CPNE8: variants seen among roughly 807,000 people sequenced by gnomAD.
The protein encoded by CPNE8 is copine-8.
CPNE8 carries 45 observed loss-of-function variants against 81.5 expected under a neutral mutation model. The ratio of observed to expected loss-of-function variants is 0.55; its 90% CI spans 0.44 to 0.71. The LOEUF (loss-of-function observed/expected upper bound fraction) is 0.71, where lower values mean the gene tolerates loss of function less well. Ranked by LOEUF, CPNE8 falls within the 30% of genes least tolerant of loss-of-function variation. CPNE8 has a pLI of 0.00. For synonymous variants in CPNE8, 252 were observed against 226.3 expected, an observed-to-expected ratio of 1.11 and a Z score of -1.02; for missense variants, 594 against 672.1, an observed-to-expected ratio of 0.88 and a Z score of 1.28.
intron 10 of CPNE8, among the ~76,000 whole-genome samples, chr12:38,738,253 GC>G (rs1940999870): frequency 6.6e-6 from 1 of 152,136 alleles, no homozygotes. Context: ...GGGGGAAAAT[GC>G]ATTTTGGAAA....
chr12:38,853,975 G>A (rs17464772), intron 3 of CPNE8, among the ~76,000 whole-genome samples: 36,311 of 151,674 alleles, frequency 0.24, 5,468 homozygotes, highest in Non-Finnish European at 0.33. Flanking sequence ...GAAGAAAAAA[G>A]GTCATCTGAA....
In CPNE8 at chr12:38,764,318, T is replaced by G. The variant is rs139889025; in HGVS notation, c.576-2102A>C. Among the ~76,000 whole-genome samples, 750 of 152,088 alleles carry G rather than the reference T, an allele frequency of 4.9e-3. 5 individuals are homozygous for G. The highest frequency in any genetic ancestry group is 0.017 in the African/African-American group (698 of 41,518). The stretch of plus-strand genomic sequence containing the variant: ...AGAAAAGGCAAAGGTACCAAAAAAT[T>G]TTTAAGAAAAAGTCATAGGCCGGGC... On this transcript the variant is annotated intron_variant, in intron 8 of 19. Coordinates refer to ENST00000331366, the MANE Select transcript of CPNE8 (RefSeq NM_153634.3).
intron 6 of CPNE8, among the ~76,000 whole-genome samples, chr12:38,809,657 C>T (rs552469334): frequency 2.2e-4 from 33 of 152,112 alleles, no homozygotes; most frequent in Non-Finnish European, 4.3e-4. Context: ...ACATTCACTC[C>T]CTGCCCAGGT....
At chr12:38,827,013 C>CAAAAAAAAA (rs56670584) in intron 6 of CPNE8, among the ~76,000 whole-genome samples, 7 of 91,646 alleles carry the variant, frequency 7.6e-5, no homozygotes, top group African/African-American at 8.4e-5. Context: ...ACTAAAAATA[C>CAAAAAAAAA]AAAAAAAAAA....
At chr12:38,823,837 G>A (rs1172112023) in intron 6 of CPNE8, among the ~76,000 whole-genome samples, 1 of 152,114 alleles carries the variant, frequency 6.6e-6, no homozygotes, top group Non-Finnish European at 1.5e-5. Flanking sequence ...GAAGACATAC[G>A]ACTCTTTGAC....
intron 6 of CPNE8, among the ~76,000 whole-genome samples, chr12:38,787,665 T>G (rs1184602579): frequency 2.6e-5 from 4 of 151,552 alleles, no homozygotes; most frequent in African/African-American, 7.3e-5. Context: ...CAAAGTTAGG[T>G]TTTTGAAAAG....
intron 10 of CPNE8, 60 bp downstream of exon 10, chr12:38,760,787 A>C: frequency 7.8e-7 from 1 of 1,282,090 alleles, no homozygotes; most frequent in Non-Finnish European, 1.1e-6. Context: ...TGGTCATTTC[A>C]ATGTATGTGC....
chr12:38,901,951 T>C (rs1224567017), intron 1 of CPNE8, among the ~76,000 whole-genome samples: 1 of 152,136 alleles, frequency 6.6e-6, no homozygotes, highest in African/African-American at 2.4e-5. Flanking sequence ...GAACTTCTTT[T>C]GCATTTCTCA....
intron 10 of CPNE8, among the ~76,000 whole-genome samples, chr12:38,732,986 T>C (rs1489777050): frequency 1.3e-5 from 2 of 151,992 alleles, no homozygotes; most frequent in African/African-American, 4.8e-5. Flanking sequence ...CAACATAACA[T>C]TTCTGTAAGA....
intron 3 of CPNE8, among the ~76,000 whole-genome samples, chr12:38,866,993 G>T (rs973320467): frequency 1.3e-5 from 2 of 152,098 alleles, no homozygotes; most frequent in African/African-American, 4.8e-5. Context: ...TGAGTAGCTA[G>T]AATTACAGGT....
chr12:38,719,035 T>C (rs984636551), intron 13 of CPNE8, among the ~76,000 whole-genome samples: 4 of 150,858 alleles, frequency 2.7e-5, no homozygotes, highest in African/African-American at 7.3e-5. Context: ...CGAGAGTAAG[T>C]TGATAGGTTA....
chr12:38,725,979 T>C (rs1272076202), intron 11 of CPNE8, among the ~76,000 whole-genome samples: 1 of 152,172 alleles, frequency 6.6e-6, no homozygotes, highest in Non-Finnish European at 1.5e-5. Flanking sequence ...GGGATGATAC[T>C]GTTCTACCTC....
chr12:38,846,036 G>C (rs1488329847), intron 4 of CPNE8, among the ~76,000 whole-genome samples: 1 of 152,142 alleles, frequency 6.6e-6, no homozygotes, highest in African/African-American at 2.4e-5. Context: ...ACTTCAATTA[G>C]GAAGTTAAAA....
Position 38,723,072 on chromosome 12 carries a change from T to C in CPNE8, c.914+700A>G, listed in dbSNP as rs535697214. On this transcript the variant is annotated intron_variant, in intron 13 of 19. Coordinates refer to ENST00000331366, the MANE Select transcript of CPNE8 (RefSeq NM_153634.3). ...GGAACTGTGAGTCAATTAAACCTCT[T>C]TCCTTTATAAATTACCCAGTTCGGG... 4.7e-4 allele frequency among the ~76,000 whole-genome samples: 71 copies of C among 152,320 alleles called. No homozygotes were observed. The South Asian group carries it at 0.013, about 28-fold the overall frequency.
Position 38,747,621 on chromosome 12 carries a change from A to G in CPNE8, c.722+13226T>C, listed in dbSNP as rs188162324. Among the ~76,000 whole-genome samples, 29 of 152,276 alleles carry G rather than the reference A, an allele frequency of 1.9e-4. No homozygotes were observed. The East Asian group carries it at 3.9e-3, about 20-fold the overall frequency. On this transcript the variant is annotated intron_variant, in intron 10 of 19. Transcript: ENST00000331366. Reference sequence around the variant, plus strand: ...TAAGAAAATATTCTAGATACACTGTATAAAGCTGCACTGTTCAATATAGTA... The same window carrying G: ...TAAGAAAATATTCTAGATACACTGTGTAAAGCTGCACTGTTCAATATAGTA...
At chr12:38,789,332 C>T (rs1363286578) in intron 6 of CPNE8, among the ~76,000 whole-genome samples, 1 of 151,656 alleles carries the variant, frequency 6.6e-6, no homozygotes, top group South Asian at 2.1e-4. Context: ...AACAGAGGTG[C>T]CAAAAACATA....
At chr12:38,768,719 G>A (rs1941741364) in intron 7 of CPNE8, among the ~76,000 whole-genome samples, 1 of 151,852 alleles carries the variant, frequency 6.6e-6, no homozygotes, top group South Asian at 2.1e-4. Context: ...AGCAGAGACG[G>A]GGTTTCACCG....
At chr12:38,807,387 C>T (rs940261260) in intron 6 of CPNE8, among the ~76,000 whole-genome samples, 5 of 151,080 alleles carry the variant, frequency 3.3e-5, no homozygotes, top group African/African-American at 9.7e-5. Context: ...CAGCATGGGA[C>T]TAGTACCAAA....
At chr12:38,830,002 C>T (rs1178619972) in intron 5 of CPNE8, among the ~76,000 whole-genome samples, 2 of 152,152 alleles carry the variant, frequency 1.3e-5, no homozygotes, top group Non-Finnish European at 2.9e-5. Context: ...TGTATTAGTA[C>T]CTCCTCACAA....
Sources: gnomAD v4.1 joint callset for allele counts (sites outside exome capture counted in the v4.1 genomes callset) on GRCh38, gnomAD v4.1.1 for gene constraint, MANE v1.5 for transcripts, NCBI Gene and HGNC (gene_info 2026-07-23, HGNC 2026-07-21) for gene names.